Variants in CROT observed in about 807,000 individuals in gnomAD.
The protein encoded by CROT is carnitine O-octanoyltransferase.
CROT carries 84 observed loss-of-function variants against 89.2 expected under a neutral mutation model. That is an observed-to-expected ratio of 0.94 (90% CI 0.79 to 1.13). The LOEUF (loss-of-function observed/expected upper bound fraction) is 1.13, where lower values mean the gene tolerates loss of function less well. Among genes scored for constraint, CROT ranks in the 50% most tolerant of loss-of-function variants. CROT has a pLI of 0.00. For missense variants in CROT, 711 were observed against 727.8 expected (o/e 0.98, Z 0.27); for synonymous variants, 212 against 239.5 (o/e 0.89, Z 1.06).
At chr7:87,396,942 CTA>C (rs1807545727) in intron 17 of CROT, among the ~76,000 whole-genome samples, 1 of 152,078 alleles carries the variant, frequency 6.6e-6, no homozygotes, top group Admixed American at 6.6e-5. Flanking sequence ...CTTAGGATTC[CTA>C]TGATTTATCT....
At chr7:87,394,676 A>G (rs80213408) in intron 17 of CROT, among the ~76,000 whole-genome samples, 2,387 of 152,242 alleles carry the variant, frequency 0.016, 73 homozygotes, top group African/African-American at 0.054. Flanking sequence ...GGTGGGTGCT[A>G]TATTTTTTAT....
intron 7 of CROT, among the ~76,000 whole-genome samples, chr7:87,372,612 A>C (rs1056553834): frequency 1.8e-4 from 28 of 152,130 alleles, no homozygotes; most frequent in Non-Finnish European, 2.9e-4. Context: ...CCTTAAAAAA[A>C]CCCAAAAGTT....
intron 6 of CROT, among the ~76,000 whole-genome samples, chr7:87,365,361 G>A (rs1029921142): frequency 3.3e-5 from 5 of 151,814 alleles, no homozygotes; most frequent in African/African-American, 7.3e-5. Context: ...ACAGTGGCTC[G>A]CGCCTGTAAT....
At chr7:87,345,809 C>G (rs1805644764) in intron 1 of CROT, 42 bp downstream of exon 1, 1 of 211,126 alleles carries the variant, frequency 4.7e-6, no homozygotes, top group African/African-American at 2.6e-5. Flanking sequence ...AATCCTTCAA[C>G]TCGGGGGCGG....
chr7:87,379,745 A>T (rs182585278), intron 10 of CROT, among the ~76,000 whole-genome samples: 1 of 152,232 alleles, frequency 6.6e-6, no homozygotes, highest in Non-Finnish European at 1.5e-5. Context: ...ATTAAATTCC[A>T]TGGAGGTTTC....
At chr7:87,375,018 C>T (rs1368565442) in intron 7 of CROT, among the ~76,000 whole-genome samples, 1 of 151,944 alleles carries the variant, frequency 6.6e-6, no homozygotes, top group East Asian at 1.9e-4. Context: ...TTTAAAGATA[C>T]ATGAAATTCA....
chr7:87,361,498 A>C lies in CROT; in HGVS notation c.349A>C (p.Lys117Gln), dbSNP rs760228295. 3.7e-6 allele frequency: 6 copies of C among 1,613,082 alleles called. No individual in the cohort carries two copies. The highest frequency in any genetic ancestry group is 4.2e-6 in the Non-Finnish European group (5 of 1,179,800). The change falls in exon 5 of 18, where the codon AAG becomes CAG. Residue 117 changes from lysine to glutamine, a missense_variant. Coordinates refer to ENST00000331536, the MANE Select transcript of CROT (RefSeq NM_021151.4). ...TCATTTTGAACACTACTGGCCTCCA[A>C]AGGAAGGGACTCAATTAGAAAGAGG... ...AAHFEHYWPP[K>Q]EGTQLERGSI...
intron 3 of CROT, chr7:87,357,387 G>A: frequency 7.5e-7 from 1 of 1,340,182 alleles, no homozygotes; most frequent in Non-Finnish European, 1.0e-6. Flanking sequence ...ACCCCATTGG[G>A]CTAGAAATAT....
intron 4 of CROT, 53 bp from the exon 5 acceptor site, chr7:87,361,337 A>G: frequency 6.8e-7 from 1 of 1,468,236 alleles, no homozygotes; most frequent in Non-Finnish European, 9.3e-7. Flanking sequence ...CCCAGTAGTT[A>G]CACATTCATG....
intron 9 of CROT, among the ~76,000 whole-genome samples, chr7:87,377,037 A>G (rs1302662909): frequency 6.6e-6 from 1 of 152,098 alleles, no homozygotes; most frequent in Non-Finnish European, 1.5e-5. Context: ...CTTTTATCCT[A>G]TTCAAGTTAC....
chr7:87,382,868 AT>A (rs1197954377), intron 13 of CROT, among the ~76,000 whole-genome samples: 3 of 152,180 alleles, frequency 2.0e-5, no homozygotes, highest in Non-Finnish European at 4.4e-5. Flanking sequence ...AAAAGTTGTG[AT>A]TTTATAAATT....
intron 13 of CROT, among the ~76,000 whole-genome samples, chr7:87,388,193 A>G (rs574650394): frequency 7.0e-4 from 106 of 152,070 alleles, no homozygotes; most frequent in African/African-American, 2.5e-3. Context: ...CTGCTCTAAC[A>G]GTTGCCCCAA....
rs1321134974 is a variant in CROT, at chr7:87,354,000, A to G, written c.115+4817A>G. On this transcript the variant is annotated intron_variant, in intron 3 of 17. Coordinates refer to ENST00000331536, the MANE Select transcript of CROT (RefSeq NM_021151.4). ...AGTCTTGTAGTGATTAATTTTTATA[A>G]CTTTAATAAATCCCAGCAATAAGAC... Among the ~76,000 whole-genome samples, 6 of 152,264 alleles carry G rather than the reference A, an allele frequency of 3.9e-5. No individual in the cohort carries two copies. The East Asian group carries it at 1.2e-3, about 29-fold the overall frequency.
intron 6 of CROT, among the ~76,000 whole-genome samples, chr7:87,364,339 A>G (rs975927414): frequency 4.6e-5 from 7 of 152,216 alleles, no homozygotes; most frequent in African/African-American, 1.4e-4. Flanking sequence ...GAGCCAGCAA[A>G]GGAGACCAAG....
intron 7 of CROT, among the ~76,000 whole-genome samples, chr7:87,373,168 G>A (rs1028891813): frequency 2.6e-5 from 4 of 151,968 alleles, no homozygotes; most frequent in South Asian, 4.2e-4. Flanking sequence ...GTGGGATCTC[G>A]TTGTAGTTTA....
At chr7:87,388,953 G>A (rs1413857891) in intron 13 of CROT, among the ~76,000 whole-genome samples, 1 of 152,084 alleles carries the variant, frequency 6.6e-6, no homozygotes, top group African/African-American at 2.4e-5. Context: ...CCATCAAAAA[G>A]TGGGCAAAAG....
intron 6 of CROT, among the ~76,000 whole-genome samples, chr7:87,364,320 G>C (rs558851429): frequency 4.5e-4 from 68 of 152,130 alleles, no homozygotes; most frequent in Admixed American, 3.1e-3. Flanking sequence ...TTTCCAATCA[G>C]AGGAGGAGGA....
intron 7 of CROT, among the ~76,000 whole-genome samples, chr7:87,374,434 G>A (rs2115921072): frequency 6.6e-6 from 1 of 152,156 alleles, no homozygotes; most frequent in Non-Finnish European, 1.5e-5. Flanking sequence ...CAAAACTCGT[G>A]CTTTGAGGTA....
chr7:87,395,492 G>A (rs2116226963), intron 17 of CROT, among the ~76,000 whole-genome samples: 1 of 152,292 alleles, frequency 6.6e-6, no homozygotes, highest in Non-Finnish European at 1.5e-5. Context: ...AGGCTTTAAG[G>A]CAGAAAGGGA....
Sources: gnomAD v4.1 joint callset for allele counts (sites outside exome capture counted in the v4.1 genomes callset) on GRCh38, gnomAD v4.1.1 for gene constraint, MANE v1.5 for transcripts, NCBI Gene and HGNC (gene_info 2026-07-23, HGNC 2026-07-21) for gene names.